Variants in KLHL7 observed in about 807,000 individuals in gnomAD.
KLHL7 encodes kelch-like protein 7.
Under a neutral mutation model 67.4 loss-of-function variants are expected in KLHL7, and 44 were observed. The ratio of observed to expected loss-of-function variants is 0.65; its 90% CI spans 0.51 to 0.84. KLHL7 has a LOEUF of 0.84. Ranked by LOEUF, KLHL7 falls within the 40% of genes least tolerant of loss-of-function variation. KLHL7 has a pLI of 0.00. For synonymous variants in KLHL7, 252 were observed against 243.3 expected (o/e 1.04, Z -0.33); for missense variants, 362 against 718.1 (o/e 0.50, Z 5.67).
At chr7:23,130,143 T>A (rs1442098875) in intron 4 of KLHL7, among the ~76,000 whole-genome samples, 1 of 152,196 alleles carries the variant, frequency 6.6e-6, no homozygotes, top group Non-Finnish European at 1.5e-5. Flanking sequence ...AAACATCCGT[T>A]AGAGCAAAAT....
chr7:23,140,584 A>G, intron 4 of KLHL7, 185 bp from the exon 5 acceptor site: 2 of 681,982 alleles, frequency 2.9e-6, no homozygotes, highest in Non-Finnish European at 2.6e-6. Context: ...AAAACAAAAA[A>G]AAAACCAGTC....
At chr7:23,117,757 G>A (rs1783154558) in intron 1 of KLHL7, 9 of 1,323,560 alleles carry the variant, frequency 6.8e-6, no homozygotes, top group Non-Finnish European at 9.2e-6. Flanking sequence ...TTGCTTTATT[G>A]AAGCTTTTCT....
intron 6 of KLHL7, among the ~76,000 whole-genome samples, chr7:23,144,860 G>C (rs141666352): frequency 1.0e-3 from 153 of 151,914 alleles, no homozygotes; most frequent in Non-Finnish European, 1.7e-3. Flanking sequence ...CATTTTGGTA[G>C]GTCAAGACAG....
At chr7:23,142,479 C>T (rs1402376481) in intron 5 of KLHL7, among the ~76,000 whole-genome samples, 1 of 152,032 alleles carries the variant, frequency 6.6e-6, no homozygotes, top group African/African-American at 2.4e-5. Flanking sequence ...AATTTACTTC[C>T]ATGATCAAAA....
intron 4 of KLHL7, among the ~76,000 whole-genome samples, chr7:23,133,399 G>T (rs1336148057): frequency 6.6e-6 from 1 of 151,694 alleles, no homozygotes; most frequent in African/African-American, 2.4e-5. Context: ...TGTGGCTATT[G>T]TAAATGGGGC....
intron 4 of KLHL7, among the ~76,000 whole-genome samples, chr7:23,133,651 C>T (rs1783876861): frequency 6.6e-6 from 1 of 152,134 alleles, no homozygotes; most frequent in Non-Finnish European, 1.5e-5. Context: ...CCAGGCTGTT[C>T]TCAAACTCCT....
At chr7:23,114,130 T>G (rs908811446) in intron 1 of KLHL7, among the ~76,000 whole-genome samples, 5 of 152,208 alleles carry the variant, frequency 3.3e-5, no homozygotes, top group South Asian at 2.1e-4. Flanking sequence ...GTTACTCTGT[T>G]GAGGGCTACC....
chr7:23,118,359 A>G (rs959303741), intron 1 of KLHL7, among the ~76,000 whole-genome samples: 2 of 152,248 alleles, frequency 1.3e-5, no homozygotes, highest in African/African-American at 2.4e-5. Flanking sequence ...TGACCTGAGC[A>G]TTAAATTGGG....
At chr7:23,112,554 G>C (rs549896244) in intron 1 of KLHL7, among the ~76,000 whole-genome samples, 1 of 152,230 alleles carries the variant, frequency 6.6e-6, no homozygotes, top group East Asian at 1.9e-4. Context: ...TGAGAGTTTC[G>C]AAAATTGGGA....
In KLHL7 at chr7:23,123,808, A is replaced by T; in HGVS notation, c.152A>T (p.Gln51Leu). The change falls in exon 2 of 11, where the codon CAG becomes CTG. Residue 51 changes from glutamine (Q) to leucine (L), a missense_variant. Transcript: ENST00000339077. Reference protein sequence around the residue: ...KTLCDVILMVQERKIPAHRVV... With the variant: ...KTLCDVILMVLERKIPAHRVV... ...TTGTGTGACGTGATCCTCATGGTCC[A>T]GGAAAGAAAGATACCTGCTCATCGT... 1 of 1,613,746 alleles carries T rather than the reference A, an allele frequency of 6.2e-7. No individual in the cohort carries two copies. Among genetic ancestry groups the T allele is most frequent in the Non-Finnish European group, 8.5e-7 (1 of 1,179,776 alleles).
In KLHL7 at chr7:23,177,277, T is replaced by G. The variant is rs1785312542; in HGVS notation, c.*2979T>G. 6.6e-6 allele frequency: 1 copy of G among 152,236 alleles called. No homozygotes were observed. Among genetic ancestry groups the G allele is most frequent in the Non-Finnish European group, 1.5e-5 (1 of 68,052 alleles). 9.4% of individuals were successfully genotyped at this position (152,236 alleles called of 1,614,324 possible). ...ATTTTTTGAGAGTGAAATATCCATT[T>G]ATTATATTACAATATAGCTATATAA... On this transcript the variant is annotated 3_prime_UTR_variant, in exon 11 of 11. Coordinates refer to ENST00000339077, the MANE Select transcript of KLHL7 (RefSeq NM_001031710.3).
At chr7:23,121,925 G>T (rs56090959) in intron 1 of KLHL7, among the ~76,000 whole-genome samples, 1 of 151,834 alleles carries the variant, frequency 6.6e-6, no homozygotes. Flanking sequence ...CTTGTGATCC[G>T]CCCGCCTCAG....
chr7:23,168,842 C>T (rs929928194), intron 9 of KLHL7, among the ~76,000 whole-genome samples: 1 of 152,178 alleles, frequency 6.6e-6, no homozygotes, highest in Non-Finnish European at 1.5e-5. Flanking sequence ...TGGGTGAATA[C>T]GTTCACTAAA....
At chr7:23,173,077 C>T (rs1451723047) in intron 10 of KLHL7, 32 bp downstream of exon 10, 1 of 1,495,350 alleles carries the variant, frequency 6.7e-7, no homozygotes, top group African/African-American at 1.4e-5. Context: ...TTCCACTTTC[C>T]TGATGAGTTT....
intron 1 of KLHL7, among the ~76,000 whole-genome samples, chr7:23,114,035 C>G (rs1178338006): frequency 6.6e-6 from 1 of 152,242 alleles, no homozygotes; most frequent in African/African-American, 2.4e-5. Flanking sequence ...ATATCTACCT[C>G]ACTTCCTCAC....
chr7:23,174,506 T>C lies in KLHL7; in HGVS notation c.*208T>C. On this transcript the variant is annotated 3_prime_UTR_variant, in exon 11 of 11. Coordinates refer to ENST00000339077, the MANE Select transcript of KLHL7 (RefSeq NM_001031710.3). ...AGCTGGCCACAAAACCAAGAACATATCTAGCAAGAAAACTTGAAAAAGTAT... is the reference window on the plus strand; with the variant it reads ...AGCTGGCCACAAAACCAAGAACATACCTAGCAAGAAAACTTGAAAAAGTAT... 1 of 687,828 alleles carries C rather than the reference T, an allele frequency of 1.5e-6. No homozygotes were observed. The highest frequency in any genetic ancestry group is 1.5e-5 in the South Asian group (1 of 66,674). 42.6% of individuals were successfully genotyped at this position (687,828 alleles called of 1,614,324 possible).
At chr7:23,116,703 G>T (rs540781919) in intron 1 of KLHL7, among the ~76,000 whole-genome samples, 5 of 152,148 alleles carry the variant, frequency 3.3e-5, no homozygotes, top group Admixed American at 6.5e-5. Context: ...ACTGCCAGCC[G>T]TCACTACTCT....
intron 1 of KLHL7, among the ~76,000 whole-genome samples, chr7:23,120,097 G>GC (rs1434861217): frequency 6.6e-5 from 10 of 151,738 alleles, no homozygotes; most frequent in Admixed American, 6.6e-4. Flanking sequence ...GCAACCTTTT[G>GC]CCCCCGGGCT....
At chr7:23,148,367 T>C (rs1784424041) in intron 6 of KLHL7, among the ~76,000 whole-genome samples, 1 of 146,374 alleles carries the variant, frequency 6.8e-6, no homozygotes, top group Non-Finnish European at 1.5e-5. Context: ...TCCTTACAAA[T>C]ACCTATATTT....
Sources: gnomAD v4.1 joint callset for allele counts (sites outside exome capture counted in the v4.1 genomes callset) on GRCh38, gnomAD v4.1.1 for gene constraint, MANE v1.5 for transcripts, NCBI Gene and HGNC (gene_info 2026-07-23, HGNC 2026-07-21) for gene names.